Variants in FHOD3 observed in about 807,000 individuals in gnomAD.
FHOD3 encodes the protein FH1/FH2 domain-containing protein 3.
Under a neutral mutation model 173.0 loss-of-function variants are expected in FHOD3, and 90 were observed. That is an observed-to-expected ratio of 0.52 (90% CI 0.44 to 0.62). The LOEUF (loss-of-function observed/expected upper bound fraction) is 0.62. Among genes scored for constraint, FHOD3 ranks in the 20% least tolerant of loss-of-function variants. The probability of loss-of-function intolerance (pLI) is 0.00; values close to 1 mark genes in which losing one functional copy is unlikely to be tolerated. For missense variants in FHOD3, 1,945 were observed against 2,034.7 expected, an observed-to-expected ratio of 0.96 and a Z score of 0.85; for synonymous variants, 828 against 823.0, an observed-to-expected ratio of 1.01 and a Z score of -0.10.
intron 1 of FHOD3, among the ~76,000 whole-genome samples, chr18:36,343,900 A>G (rs915351421): frequency 6.6e-6 from 1 of 152,192 alleles, no homozygotes; most frequent in Non-Finnish European, 1.5e-5. Flanking sequence ...AAAGGAGATT[A>G]GTGGTTGTGA....
At chr18:36,658,289 A>G (rs1237809171) in intron 14 of FHOD3, 101 bp downstream of exon 14, 5 of 752,028 alleles carry the variant, frequency 6.6e-6, no homozygotes, top group Non-Finnish European at 1.1e-5. Flanking sequence ...AAGACATAAC[A>G]TGAAGTATTT....
intron 5 of FHOD3, among the ~76,000 whole-genome samples, chr18:36,542,085 A>T (rs2057245709): frequency 6.6e-6 from 1 of 152,194 alleles, no homozygotes; most frequent in Admixed American, 6.5e-5. Context: ...ATAACAATGG[A>T]ATTAAAAGGC....
intron 6 of FHOD3, among the ~76,000 whole-genome samples, chr18:36,587,363 G>A (rs1464356204): frequency 5.3e-5 from 8 of 152,138 alleles, no homozygotes; most frequent in Non-Finnish European, 1.2e-4. Context: ...TTAGTCAGGA[G>A]GGGGAGCTTC....
intron 17 of FHOD3, among the ~76,000 whole-genome samples, chr18:36,698,227 C>T (rs2039394458): frequency 6.6e-6 from 1 of 152,140 alleles, no homozygotes; most frequent in Non-Finnish European, 1.5e-5. Flanking sequence ...GCAACTCTAC[C>T]CAAGGCTGAG....
chr18:36,548,925 C>T (rs507836), intron 5 of FHOD3, among the ~76,000 whole-genome samples: 1 of 152,154 alleles, frequency 6.6e-6, no homozygotes, highest in Non-Finnish European at 1.5e-5. Context: ...GTTTTTATTT[C>T]TCTGTGGTAA....
chr18:36,773,247 T>A (rs2043471053), intron 28 of FHOD3, among the ~76,000 whole-genome samples: 1 of 152,112 alleles, frequency 6.6e-6, no homozygotes, highest in Admixed American at 6.5e-5. Flanking sequence ...AGAGGAGGCT[T>A]GTCTGTAAGT....
intron 5 of FHOD3, among the ~76,000 whole-genome samples, chr18:36,521,024 G>A (rs760104074): frequency 6.6e-6 from 1 of 152,186 alleles, no homozygotes; most frequent in Non-Finnish European, 1.5e-5. Context: ...GTTTCTATTT[G>A]TGAATCCAGC....
intron 2 of FHOD3, among the ~76,000 whole-genome samples, chr18:36,367,318 C>G (rs761523311): frequency 6.6e-6 from 1 of 152,142 alleles, no homozygotes; most frequent in Non-Finnish European, 1.5e-5. Context: ...TGGCCTTGGC[C>G]TTGGTTGTGA....
intron 24 of FHOD3, among the ~76,000 whole-genome samples, chr18:36,749,109 T>C (rs1336455126): frequency 6.6e-6 from 1 of 152,198 alleles, no homozygotes; most frequent in Non-Finnish European, 1.5e-5. Context: ...GGTGTCTCTT[T>C]GGGTAAAACC....
At chr18:36,518,261 C>G (rs1456470475) in intron 5 of FHOD3, among the ~76,000 whole-genome samples, 1 of 152,190 alleles carries the variant, frequency 6.6e-6, no homozygotes, top group African/African-American at 2.4e-5. Flanking sequence ...AACAACCTAG[C>G]CTGACTCTCT....
intron 3 of FHOD3, among the ~76,000 whole-genome samples, chr18:36,487,046 G>A (rs1331415674): frequency 6.6e-6 from 1 of 152,170 alleles, no homozygotes; most frequent in East Asian, 1.9e-4. Flanking sequence ...GCCAACTGAT[G>A]GACAGTTGAG....
At chr18:36,392,690 C>T (rs1263937957) in intron 3 of FHOD3, among the ~76,000 whole-genome samples, 2 of 152,198 alleles carry the variant, frequency 1.3e-5, no homozygotes, top group Admixed American at 6.5e-5. Flanking sequence ...GCTTCCGCTT[C>T]GTCTGATCTT....
intron 14 of FHOD3, among the ~76,000 whole-genome samples, chr18:36,664,654 A>G (rs530860491): frequency 9.9e-5 from 15 of 152,022 alleles, no homozygotes; most frequent in African/African-American, 3.6e-4. Context: ...TTTAGATCTG[A>G]CTTGACTTTT....
At chr18:36,632,182 C>T (rs908901389) in intron 10 of FHOD3, among the ~76,000 whole-genome samples, 4 of 152,182 alleles carry the variant, frequency 2.6e-5, no homozygotes, top group South Asian at 2.1e-4. Flanking sequence ...TTTTACTCTC[C>T]GTCAGCATAT....
chr18:36,723,920 T>G (rs1443459689), intron 19 of FHOD3, among the ~76,000 whole-genome samples: 1 of 152,256 alleles, frequency 6.6e-6, no homozygotes, highest in Non-Finnish European at 1.5e-5. Context: ...TTTTCCTAAC[T>G]GCAACCTGAA....
rs561059541 is a variant in FHOD3 at position 36,507,461 on chromosome 18, A to G, written c.406-4977A>G. 4.3e-4 allele frequency among the ~76,000 whole-genome samples: 66 copies of G among 152,334 alleles called. 1 individual carries two copies. The highest frequency in any genetic ancestry group is 1.6e-3 in the African/African-American group (66 of 41,576). ...ATCTGAAACACTGCTGGTCCCAGAC[A>G]TTTTGGATAAGGGATACTCAAACTG... On this transcript the variant is annotated intron_variant, in intron 4 of 28. Coordinates refer to ENST00000590592, the MANE Select transcript of FHOD3 (RefSeq NM_001281740.3).
intron 28 of FHOD3, among the ~76,000 whole-genome samples, chr18:36,774,219 T>G (rs2043525328): frequency 6.6e-6 from 1 of 151,980 alleles, no homozygotes; most frequent in Admixed American, 6.6e-5. Flanking sequence ...CCAAAAAGAG[T>G]CTTCAGGAGT....
intron 8 of FHOD3, among the ~76,000 whole-genome samples, chr18:36,607,932 A>G (rs1286423902): frequency 6.6e-6 from 1 of 152,184 alleles, no homozygotes; most frequent in African/African-American, 2.4e-5. Context: ...TTGTATTTCT[A>G]CCAACCACTT....
chr18:36,400,219 G>A (rs1212724472), intron 3 of FHOD3, among the ~76,000 whole-genome samples: 1 of 152,184 alleles, frequency 6.6e-6, no homozygotes, highest in Non-Finnish European at 1.5e-5. Flanking sequence ...GAAATATGCT[G>A]TTGAATAAAT....
Sources: allele counts gnomAD v4.1 joint callset (sites outside exome capture counted in the v4.1 genomes callset), GRCh38; gene constraint gnomAD v4.1.1; transcripts MANE v1.5; gene names NCBI Gene and HGNC (gene_info 2026-07-23, HGNC 2026-07-21).